CELF4: variants seen among roughly 807,000 people sequenced by gnomAD.
The protein encoded by CELF4 is CUGBP Elav-like family member 4.
In CELF4, 18 loss-of-function variants were observed where a neutral mutation model predicts 59.9. That is an observed-to-expected ratio of 0.30 (90% CI 0.21 to 0.45). CELF4 has a LOEUF of 0.45. Among genes scored for constraint, CELF4 ranks in the 20% least tolerant of loss-of-function variants. The pLI, the probability that CELF4 is intolerant of heterozygous loss-of-function variation, is 1.00. For synonymous variants in CELF4, 261 were observed against 267.1 expected, an observed-to-expected ratio of 0.98 and a Z score of 0.22; for missense variants, 456 against 689.0, an observed-to-expected ratio of 0.66 and a Z score of 3.79.
intron 2 of CELF4, among the ~76,000 whole-genome samples, chr18:37,467,386 G>C (rs533669685): frequency 1.5e-4 from 23 of 152,284 alleles, no homozygotes; most frequent in Non-Finnish European, 2.6e-4. Flanking sequence ...TGACCATCCT[G>C]CACATGGGCT....
chr18:37,474,012 GC>G (rs2099841746), intron 2 of CELF4: 1 of 152,248 alleles, frequency 6.6e-6, no homozygotes, highest in Admixed American at 6.5e-5. Flanking sequence ...AGGGACAGAG[GC>G]AGCTGGACCT....
In CELF4 at chr18:37,479,920, A is replaced by G. The variant is rs2099861609; in HGVS notation, c.369+5605T>C. On this transcript the variant is annotated intron_variant, in intron 2 of 12. Transcript: ENST00000420428. ...AGAAGTCTGGACACAGACAATGTAC[A>G]TTGGAAAGATGATGCAAAGACACAG... Among the ~76,000 whole-genome samples the G allele has an allele frequency of 3.9e-5, 6 of 152,190 alleles. 2 individuals carry two copies. The highest frequency in any genetic ancestry group is 3.9e-4 in the Admixed American group (6 of 15,288).
At chr18:37,343,343 G>C (rs1216532198) in intron 2 of CELF4, among the ~76,000 whole-genome samples, 1 of 149,388 alleles carries the variant, frequency 6.7e-6, no homozygotes, top group African/African-American at 2.5e-5. Flanking sequence ...GTGTGTGTGT[G>C]TGTGTGTGTG....
intron 11 of CELF4, among the ~76,000 whole-genome samples, chr18:37,255,795 C>T (rs1040829599): frequency 6.6e-6 from 1 of 152,114 alleles, no homozygotes; most frequent in Admixed American, 6.5e-5. Context: ...CCTCATTCTT[C>T]TCATCATCCA....
chr18:37,513,617 C>T (rs1327645235), intron 1 of CELF4, among the ~76,000 whole-genome samples: 3 of 152,170 alleles, frequency 2.0e-5, no homozygotes, highest in African/African-American at 7.2e-5. Flanking sequence ...CTTCTCTTTC[C>T]AGCTCTACCT....
chr18:37,306,965 G>A (rs1490705474), intron 3 of CELF4, among the ~76,000 whole-genome samples: 1 of 152,220 alleles, frequency 6.6e-6, no homozygotes, highest in African/African-American at 2.4e-5. Flanking sequence ...AGGGAGAGGG[G>A]AGAGGAGCCA....
intron 2 of CELF4, among the ~76,000 whole-genome samples, chr18:37,338,523 G>A (rs1188531952): frequency 6.6e-6 from 1 of 152,168 alleles, no homozygotes; most frequent in Non-Finnish European, 1.5e-5. Context: ...GGGATTCTGG[G>A]TGCTGGGGTG....
intron 1 of CELF4, among the ~76,000 whole-genome samples, chr18:37,550,084 G>GGC (rs566946633): frequency 8.5e-5 from 5 of 58,796 alleles, no homozygotes; most frequent in South Asian, 8.2e-4. Flanking sequence ...TCCAATGGGT[G>GGC]GGGGGGGGGG....
chr18:37,406,974 T>C (rs1000855513), intron 2 of CELF4, among the ~76,000 whole-genome samples: 1 of 152,102 alleles, frequency 6.6e-6, no homozygotes, highest in Admixed American at 6.5e-5. Context: ...GTGTCTATCA[T>C]CCATCCAAGC....
At chr18:37,425,377 G>A (rs1476625167) in intron 2 of CELF4, among the ~76,000 whole-genome samples, 1 of 152,252 alleles carries the variant, frequency 6.6e-6, no homozygotes, top group Non-Finnish European at 1.5e-5. Context: ...TCCCTGTTGA[G>A]TCAACCACAG....
chr18:37,511,749 T>G (rs2099944589), intron 1 of CELF4, among the ~76,000 whole-genome samples: 1 of 152,094 alleles, frequency 6.6e-6, no homozygotes, highest in Non-Finnish European at 1.5e-5. Context: ...CTCTCTGCTC[T>G]TTTTCTTTCA....
intron 2 of CELF4, among the ~76,000 whole-genome samples, chr18:37,399,616 A>G (rs140661233): frequency 1.3e-5 from 2 of 152,326 alleles, no homozygotes; most frequent in Non-Finnish European, 2.9e-5. Flanking sequence ...TAACAGAAAC[A>G]CAAAGTGCCT....
At chr18:37,368,977 C>T (rs1023523380) in intron 2 of CELF4, among the ~76,000 whole-genome samples, 7 of 152,200 alleles carry the variant, frequency 4.6e-5, no homozygotes, top group African/African-American at 1.4e-4. Context: ...TGCAAACCTC[C>T]GGGGGATCGG....
At chr18:37,335,466 G>A (rs1300864853) in intron 2 of CELF4, among the ~76,000 whole-genome samples, 1 of 151,722 alleles carries the variant, frequency 6.6e-6, no homozygotes, top group East Asian at 1.9e-4. Context: ...GTGTGAGTAT[G>A]CATGTCAGTG....
In CELF4 at chr18:37,341,426, A is replaced by C. The variant is rs145421685; in HGVS notation, c.370-19545T>G. Among the ~76,000 whole-genome samples the C allele has an allele frequency of 1.9e-4, 29 of 152,208 alleles. No homozygotes were observed. The East Asian group carries it at 5.4e-3, about 28-fold the overall frequency. On this transcript the variant is annotated intron_variant, in intron 2 of 12. Coordinates refer to ENST00000420428, the MANE Select transcript of CELF4 (RefSeq NM_020180.4). ...TATGCAGCGTGTTCAGACACAGGAG[A>C]AGTATGTTCACCTTACATGAGGAGG...
chr18:37,355,510 T>C (rs1373291179), intron 2 of CELF4, among the ~76,000 whole-genome samples: 1 of 151,962 alleles, frequency 6.6e-6, no homozygotes, highest in Non-Finnish European at 1.5e-5. Flanking sequence ...CTGTCTCTAC[T>C]AAAAACACAA....
intron 3 of CELF4, among the ~76,000 whole-genome samples, chr18:37,281,494 C>T (rs113235299): frequency 6.6e-6 from 1 of 152,142 alleles, no homozygotes; most frequent in African/African-American, 2.4e-5. Flanking sequence ...AGGTTGGGGG[C>T]TACTGAGCTG....
chr18:37,269,528 A>C lies in CELF4; in HGVS notation c.1099+1240T>G, dbSNP rs1303532021. Among the ~76,000 whole-genome samples the C allele has an allele frequency of 5.3e-5, 8 of 152,248 alleles. No homozygotes were observed. In the South Asian group the frequency reaches 1.7e-3, roughly 32 times the overall value. ...ATGGGCACCCAGAGTGGGGAACAGG[A>C]CCCAGCCCCTGCTGCCAATTCACCT... On this transcript the variant is annotated intron_variant, in intron 8 of 12. Coordinates refer to ENST00000420428, the MANE Select transcript of CELF4 (RefSeq NM_020180.4).
intron 1 of CELF4, among the ~76,000 whole-genome samples, chr18:37,507,738 C>T (rs969779257): frequency 6.6e-6 from 1 of 152,216 alleles, no homozygotes; most frequent in Non-Finnish European, 1.5e-5. Context: ...ATCACAGCGG[C>T]TCCCACTGTG....
Sources: allele counts gnomAD v4.1 joint callset (sites outside exome capture counted in the v4.1 genomes callset), GRCh38; gene constraint gnomAD v4.1.1; transcripts MANE v1.5; gene names NCBI Gene and HGNC (gene_info 2026-07-23, HGNC 2026-07-21).